Variants in MYO5B observed in about 807,000 individuals in gnomAD.
The protein encoded by MYO5B is unconventional myosin-Vb.
MYO5B carries 143 observed loss-of-function variants against 229.3 expected under a neutral mutation model. The ratio of observed to expected loss-of-function variants is 0.62; its 90% CI spans 0.54 to 0.72. The LOEUF is 0.72. MYO5B is among the 30% of genes least tolerant of loss of function. The probability of loss-of-function intolerance (pLI) is 0.00; values close to 1 mark genes in which losing one functional copy is unlikely to be tolerated. For synonymous variants in MYO5B, 918 were observed against 885.2 expected (o/e 1.04, Z -0.66); for missense variants, 2,321 against 2,331.0 (o/e 1.00, Z 0.09).
At chr18:50,149,736 A>C (rs533740522) in intron 1 of MYO5B, among the ~76,000 whole-genome samples, 1 of 152,164 alleles carries the variant, frequency 6.6e-6, no homozygotes, top group East Asian at 1.9e-4. Context: ...AAAACCCTAG[A>C]AGAAAACCTA....
chr18:50,057,060 T>C (rs577214161), intron 1 of MYO5B, among the ~76,000 whole-genome samples: 2 of 152,342 alleles, frequency 1.3e-5, no homozygotes, highest in Non-Finnish European at 2.9e-5. Flanking sequence ...AAGAGCTTTA[T>C]TGCATCTGAG....
Position 50,150,081 on chromosome 18 carries a change from A to G in MYO5B, c.27+44686T>C, listed in dbSNP as rs1308997091. ...TGTGCAGCCAAAAAACACATGAAAA[A>G]ATGCTCACCATCACTGGCCATCAGA... On this transcript the variant is annotated intron_variant, in intron 1 of 39. Transcript: ENST00000285039. 2.7e-5 allele frequency among the ~76,000 whole-genome samples: 4 copies of G among 148,736 alleles called. No individual in the cohort carries two copies. The East Asian group carries it at 7.9e-4, about 29-fold the overall frequency.
chr18:50,126,001 A>C (rs1436202183), intron 1 of MYO5B, among the ~76,000 whole-genome samples: 1 of 152,158 alleles, frequency 6.6e-6, no homozygotes, highest in Non-Finnish European at 1.5e-5. Context: ...GCTGCGAGGA[A>C]GGGGTTACTG....
At chr18:50,059,977 G>A (rs2030647661) in intron 1 of MYO5B, among the ~76,000 whole-genome samples, 1 of 152,164 alleles carries the variant, frequency 6.6e-6, no homozygotes, top group South Asian at 2.1e-4. Flanking sequence ...GGAGAGACAA[G>A]ACCACAGTAG....
At chr18:49,907,419 G>A (rs2024911560) in intron 18 of MYO5B, among the ~76,000 whole-genome samples, 1 of 152,148 alleles carries the variant, frequency 6.6e-6, no homozygotes, top group Non-Finnish European at 1.5e-5. Flanking sequence ...GTTAAAATTA[G>A]TTGCCCTTCC....
intron 5 of MYO5B, 94 bp downstream of exon 5, chr18:50,001,161 C>A (rs1033894605): frequency 6.7e-7 from 1 of 1,498,900 alleles, no homozygotes; most frequent in Non-Finnish European, 9.3e-7. Context: ...CAGGGAGAGG[C>A]GTGAAGGCTG....
chr18:50,033,723 G>A (rs913399405), intron 4 of MYO5B, among the ~76,000 whole-genome samples: 3 of 152,100 alleles, frequency 2.0e-5, no homozygotes, highest in Non-Finnish European at 4.4e-5. Context: ...TCATGCAGTG[G>A]ACAGAATTCA....
intron 10 of MYO5B, among the ~76,000 whole-genome samples, chr18:49,966,777 G>T (rs77657417): frequency 0.034 from 5,201 of 152,284 alleles, 312 homozygotes; most frequent in African/African-American, 0.12. Flanking sequence ...GATATTATCT[G>T]GTAACAATTC....
At chr18:50,055,555 C>T (rs947517327) in intron 1 of MYO5B, among the ~76,000 whole-genome samples, 177 bp from the exon 2 acceptor site, 4 of 152,208 alleles carry the variant, frequency 2.6e-5, no homozygotes, top group Non-Finnish European at 5.9e-5. Flanking sequence ...AGGGGAACAA[C>T]TCACAGGACT....
At chr18:50,178,782 G>C (rs1337319927) in intron 1 of MYO5B, among the ~76,000 whole-genome samples, 2 of 152,136 alleles carry the variant, frequency 1.3e-5, no homozygotes, top group African/African-American at 4.8e-5. Flanking sequence ...GGACATCTTC[G>C]CATCTGTCCC....
chr18:50,160,109 C>A (rs1257526873), intron 1 of MYO5B, among the ~76,000 whole-genome samples: 1 of 152,250 alleles, frequency 6.6e-6, no homozygotes, highest in African/African-American at 2.4e-5. Context: ...GTCAACACTT[C>A]CCAGCGGATG....
chr18:50,040,351 T>A (rs1321575298), intron 2 of MYO5B, 37 bp from the exon 3 acceptor site: 1 of 1,588,758 alleles, frequency 6.3e-7, no homozygotes, highest in Admixed American at 1.7e-5. Flanking sequence ...AAAAGGTGGT[T>A]ATGAAGCGTT....
At chr18:50,096,157 T>C (rs1394428309) in intron 1 of MYO5B, among the ~76,000 whole-genome samples, 3 of 152,204 alleles carry the variant, frequency 2.0e-5, no homozygotes, top group African/African-American at 4.8e-5. Flanking sequence ...TTTAACCTTA[T>C]GTTGAACCAC....
rs954380017 is a variant in MYO5B at position 50,008,992 on chromosome 18, A to G, written c.456-7581T>C. 3.9e-5 allele frequency among the ~76,000 whole-genome samples: 6 copies of G among 152,364 alleles called. No individual in the cohort carries two copies. In the East Asian group the frequency reaches 7.7e-4, roughly 20 times the overall value. Reference sequence around the variant, plus strand: ...ATTTCTGTCCAACAAAGATACTTGTATAAGTACCATGGAGAGTATTAATAC... The same window carrying G: ...ATTTCTGTCCAACAAAGATACTTGTGTAAGTACCATGGAGAGTATTAATAC... On this transcript the variant is annotated intron_variant, in intron 4 of 39. Transcript: ENST00000285039.
At position 49,909,378 on chromosome 18, in the gene MYO5B, C is replaced by T. The variant is rs867883928; in HGVS notation, c.2202+2684G>A. The stretch of plus-strand genomic sequence containing the variant: ...TCAGAGGGCAATGTAGTTTAGACAG[C>T]GGGAGTTAGAATCAGTCCACCTAGG... On this transcript the variant is annotated intron_variant, in intron 18 of 39. Coordinates refer to ENST00000285039, the MANE Select transcript of MYO5B (RefSeq NM_001080467.3). 6.6e-5 allele frequency among the ~76,000 whole-genome samples: 10 copies of T among 152,322 alleles called. No individual in the cohort carries two copies. The South Asian group carries it at 1.9e-3, about 28-fold the overall frequency.
At chr18:49,960,790 T>C (rs570620696) in intron 12 of MYO5B, among the ~76,000 whole-genome samples, 15 of 152,328 alleles carry the variant, frequency 9.8e-5, no homozygotes, top group African/African-American at 3.1e-4. Flanking sequence ...ACCAGCCTGA[T>C]TGGCAGGAAA....
At chr18:49,957,147 A>AAAAAAAG (rs2025502413) in intron 12 of MYO5B, among the ~76,000 whole-genome samples, 1 of 147,736 alleles carries the variant, frequency 6.8e-6, no homozygotes, top group East Asian at 2.0e-4. Flanking sequence ...AGTAGCAAAA[A>AAAAAAAG]AAAAAAAAAA....
intron 1 of MYO5B, among the ~76,000 whole-genome samples, chr18:50,177,160 T>A (rs566008021): frequency 1.3e-5 from 2 of 152,094 alleles, no homozygotes; most frequent in Admixed American, 6.5e-5. Context: ...CTTATTTTTT[T>A]AAAAAAGTTG....
chr18:49,991,310 G>A (rs1236408277), intron 6 of MYO5B, among the ~76,000 whole-genome samples: 3 of 152,170 alleles, frequency 2.0e-5, no homozygotes, highest in Non-Finnish European at 2.9e-5. Flanking sequence ...ACAAACAGCT[G>A]AGGCAATTCT....
Sources: gnomAD v4.1 joint callset for allele counts (sites outside exome capture counted in the v4.1 genomes callset) on GRCh38, gnomAD v4.1.1 for gene constraint, MANE v1.5 for transcripts, NCBI Gene and HGNC (gene_info 2026-07-23, HGNC 2026-07-21) for gene names.